KCNH1: variants seen among roughly 807,000 people sequenced by gnomAD.
KCNH1 encodes potassium voltage-gated channel subfamily H member 1.
KCNH1 carries 27 observed loss-of-function variants against 69.2 expected under a neutral mutation model. The ratio of observed to expected loss-of-function variants is 0.39; its 90% CI spans 0.29 to 0.54. The LOEUF (loss-of-function observed/expected upper bound fraction) is 0.54, where lower values mean the gene tolerates loss of function less well. KCNH1 is among the 20% of genes least tolerant of loss of function. The probability of loss-of-function intolerance (pLI) is 0.68; values close to 1 mark genes in which losing one functional copy is unlikely to be tolerated. For synonymous variants in KCNH1, 456 were observed against 487.7 expected (o/e 0.93, Z 0.86); for missense variants, 798 against 1,261.6 (o/e 0.63, Z 5.57).
chr1:210,725,249 A>G (rs1339521387), intron 10 of KCNH1, among the ~76,000 whole-genome samples: 4 of 152,160 alleles, frequency 2.6e-5, no homozygotes, highest in African/African-American at 9.7e-5. Context: ...AGAATTACCT[A>G]TGAAAGTATT....
At chr1:210,754,471 A>G (rs912270023) in intron 10 of KCNH1, among the ~76,000 whole-genome samples, 2 of 152,060 alleles carry the variant, frequency 1.3e-5, no homozygotes, top group African/African-American at 4.8e-5. Flanking sequence ...TTCATGTTGA[A>G]ATGTAATTCC....
At chr1:210,925,282 G>A (rs1331459880) in intron 6 of KCNH1, among the ~76,000 whole-genome samples, 1 of 152,212 alleles carries the variant, frequency 6.6e-6, no homozygotes, top group Non-Finnish European at 1.5e-5. Context: ...GCTCCCACTT[G>A]GATGGACAGA....
chr1:210,922,566 A>G (rs1356421085), intron 6 of KCNH1, among the ~76,000 whole-genome samples: 2 of 152,124 alleles, frequency 1.3e-5, no homozygotes, highest in African/African-American at 2.4e-5. Flanking sequence ...CATCCAAACC[A>G]TTTTTAACAA....
chr1:211,107,584 T>TA (rs1691379419), intron 1 of KCNH1, among the ~76,000 whole-genome samples: 1 of 152,126 alleles, frequency 6.6e-6, no homozygotes, highest in South Asian at 2.1e-4. Flanking sequence ...CTAACTTAGG[T>TA]CACTGTACTC....
intron 6 of KCNH1, among the ~76,000 whole-genome samples, chr1:211,018,321 G>GA (rs1404785760): frequency 6.6e-6 from 1 of 152,104 alleles, no homozygotes; most frequent in Non-Finnish European, 1.5e-5. Flanking sequence ...AAATTTAACA[G>GA]AAAAAAGTAA....
intron 10 of KCNH1, among the ~76,000 whole-genome samples, chr1:210,697,129 CTT>C (rs1681662721): frequency 6.6e-6 from 1 of 152,216 alleles, no homozygotes; most frequent in African/African-American, 2.4e-5. Flanking sequence ...GATATCCAAA[CTT>C]TGCCACCAGG....
intron 5 of KCNH1, among the ~76,000 whole-genome samples, chr1:211,077,920 T>C (rs1050382695): frequency 5.4e-5 from 8 of 149,500 alleles, no homozygotes; most frequent in African/African-American, 9.9e-5. Context: ...GAAGATCTAC[T>C]AAGCAAATGG....
chr1:210,936,772 C>A (rs1251741488), intron 6 of KCNH1, among the ~76,000 whole-genome samples: 1 of 152,160 alleles, frequency 6.6e-6, no homozygotes, highest in Non-Finnish European at 1.5e-5. Context: ...TATTCTTTGA[C>A]CTCCTCATTG....
rs141352398 is a variant in KCNH1, at chr1:211,075,205, C to T, written c.558+7575G>A. 6.4e-3 allele frequency among the ~76,000 whole-genome samples: 971 copies of T among 152,228 alleles called. 11 individuals are homozygous for T. The highest frequency in any genetic ancestry group is 0.023 in the African/African-American group (939 of 41,516). On this transcript the variant is annotated intron_variant, in intron 5 of 10. Coordinates refer to ENST00000271751, the MANE Select transcript of KCNH1 (RefSeq NM_172362.3). ...CTTTAGTATCCTTTCTATCATCAGC[C>T]AAGCCCACATCATGACAAAAAATGA...
chr1:210,743,629 G>A (rs1683086445), intron 10 of KCNH1, among the ~76,000 whole-genome samples: 1 of 152,134 alleles, frequency 6.6e-6, no homozygotes, highest in Non-Finnish European at 1.5e-5. Flanking sequence ...GACAGGACTG[G>A]GACTGACACA....
chr1:211,125,616 G>T (rs181644895), intron 1 of KCNH1, among the ~76,000 whole-genome samples: 2 of 152,196 alleles, frequency 1.3e-5, no homozygotes, highest in South Asian at 4.1e-4. Flanking sequence ...TTGCCAATAC[G>T]GTATCAACTT....
At chr1:210,740,704 A>ATTTTTTTTTTTTTTTTTT (rs199727493) in intron 10 of KCNH1, among the ~76,000 whole-genome samples, 2 of 117,260 alleles carry the variant, frequency 1.7e-5, no homozygotes, top group African/African-American at 6.8e-5. Context: ...TTATGATTAA[A>ATTTTTTTTTTTTTTTTTT]TTTTTTTTTT....
In KCNH1 at chr1:210,921,273, A is replaced by G. The variant is rs143125242; in HGVS notation, c.1033-1204T>C. On this transcript the variant is annotated intron_variant, in intron 6 of 10. Coordinates refer to ENST00000271751, the MANE Select transcript of KCNH1 (RefSeq NM_172362.3). Reference sequence around the variant, plus strand: ...GGGAAGTTTCCGTTAGCTTTTTTCTACTTCCATTACAAAGCAAATAAACAA... The same window carrying G: ...GGGAAGTTTCCGTTAGCTTTTTTCTGCTTCCATTACAAAGCAAATAAACAA... 8.6e-3 allele frequency among the ~76,000 whole-genome samples: 1,305 copies of G among 152,318 alleles called. 22 individuals are homozygous for G. The highest frequency in any genetic ancestry group is 0.029 in the African/African-American group (1,189 of 41,570).
intron 7 of KCNH1, among the ~76,000 whole-genome samples, chr1:210,895,742 A>C (rs1244326779): frequency 2.0e-5 from 3 of 151,882 alleles, no homozygotes; most frequent in East Asian, 3.9e-4. Flanking sequence ...CAAGCAGGAG[A>C]TATTTCTCAG....
chr1:210,692,228 G>A (rs546186944), intron 10 of KCNH1, among the ~76,000 whole-genome samples: 1 of 152,314 alleles, frequency 6.6e-6, no homozygotes, highest in Admixed American at 6.5e-5. Context: ...GTGGGCATGG[G>A]CAGTAGGTGG....
chr1:210,706,063 C>G (rs571700421), intron 10 of KCNH1, among the ~76,000 whole-genome samples: 10 of 152,324 alleles, frequency 6.6e-5, no homozygotes, highest in African/African-American at 1.7e-4. Context: ...GTGGAAGCAA[C>G]AAGACTCGAA....
chr1:210,964,530 C>A (rs1688361679), intron 6 of KCNH1, among the ~76,000 whole-genome samples: 1 of 152,106 alleles, frequency 6.6e-6, no homozygotes, highest in African/African-American at 2.4e-5. Flanking sequence ...TGGACATATA[C>A]CCTCTCCCAA....
At chr1:210,842,148 CTA>C (rs1440293988) in intron 7 of KCNH1, among the ~76,000 whole-genome samples, 1 of 152,118 alleles carries the variant, frequency 6.6e-6, no homozygotes, top group Non-Finnish European at 1.5e-5. Context: ...ATTTGCTCTG[CTA>C]GCCAAAAATA....
chr1:211,035,748 C>T (rs1689885679), intron 5 of KCNH1, among the ~76,000 whole-genome samples: 1 of 152,108 alleles, frequency 6.6e-6, no homozygotes, highest in African/African-American at 2.4e-5. Context: ...GGAGTGAGTT[C>T]TTTATTACAG....
Sources: allele counts gnomAD v4.1 joint callset (sites outside exome capture counted in the v4.1 genomes callset), GRCh38; gene constraint gnomAD v4.1.1; transcripts MANE v1.5; gene names NCBI Gene and HGNC (gene_info 2026-07-23, HGNC 2026-07-21).